The following CNGA3 variants were observed in gnomAD, a reference collection of about 807,000 sequenced individuals.
CNGA3 encodes cyclic nucleotide gated channel subunit alpha 3.
Under a neutral mutation model 46.6 loss-of-function variants are expected in CNGA3, and 42 were observed. That is an observed-to-expected ratio of 0.90 (90% CI 0.70 to 1.17). CNGA3 has a LOEUF of 1.17. CNGA3 is among the 50% of genes most tolerant of loss of function. CNGA3 has a pLI of 0.00. For synonymous variants in CNGA3, 394 were observed against 369.4 expected (o/e 1.07, Z -0.76); for missense variants, 893 against 890.7 (o/e 1.00, Z -0.03).
At chr2:98,380,131 G>A in intron 3 of CNGA3, 44 bp from the exon 4 acceptor site, 1 of 1,609,500 alleles carries the variant, frequency 6.2e-7, no homozygotes, top group Non-Finnish European at 8.5e-7. Flanking sequence ...GGGTGTGGGG[G>A]GCTTTTCCTC....
At chr2:98,393,704 A>G (rs999919772) in intron 7 of CNGA3, among the ~76,000 whole-genome samples, 4 of 152,140 alleles carry the variant, frequency 2.6e-5, no homozygotes, top group Non-Finnish European at 5.9e-5. Context: ...CGACTCAGTC[A>G]TTAACCCTGC....
rs576042792 is a variant in CNGA3 at position 98,369,851 on chromosome 2, C to G, written c.-37-88C>G. On this transcript the variant is annotated intron_variant, in intron 1 of 7. Coordinates refer to ENST00000272602, the MANE Select transcript of CNGA3 (RefSeq NM_001298.3). ...TGCCTGCCAGGGCTTGCAGGGGGGC[C>G]GCGTGCGGTAGCCCTTGCCCTTGAT... 1.6e-5 allele frequency: 13 copies of G among 791,788 alleles called. No individual in the cohort carries two copies. The East Asian group carries it at 2.9e-4, about 18-fold the overall frequency. 49.0% of individuals were successfully genotyped at this position (791,788 alleles called of 1,614,324 possible).
chr2:98,354,003 A>G (rs1039163092), intron 1 of CNGA3, among the ~76,000 whole-genome samples: 2 of 152,216 alleles, frequency 1.3e-5, no homozygotes, highest in African/African-American at 4.8e-5. Flanking sequence ...AATTACTCCC[A>G]CAAGGCTCCA....
Position 98,391,943 on chromosome 2 carries a change from T to G in CNGA3, c.646T>G (p.Leu216Val). 6.2e-7 allele frequency: 1 copy of G among 1,614,048 alleles called. No homozygotes were observed. The highest frequency in any genetic ancestry group is 8.5e-7 in the Non-Finnish European group (1 of 1,179,984). Residue 216 changes from leucine to valine, a missense_variant, in exon 7 of 8, where the codon TTG becomes GTG. By Grantham distance (32) the Leu-to-Val change is conservative (BLOSUM62 1). Transcript: ENST00000272602. Reference protein sequence around the residue: ...LDYSADVLYVLDVLVRARTGF... With the variant: ...LDYSADVLYVVDVLVRARTGF... ...CTACTCGGCAGATGTCCTGTATGTC[T>G]TGGATGTGCTTGTACGAGCTCGGAC...
At chr2:98,347,247 A>C (rs1369442256) in intron 1 of CNGA3, 1 of 152,200 alleles carries the variant, frequency 6.6e-6, no homozygotes, top group Non-Finnish European at 1.5e-5. Context: ...TAATGATAAA[A>C]TCACACCCGG....
chr2:98,375,444 C>T (rs983804722), intron 2 of CNGA3, among the ~76,000 whole-genome samples: 1 of 152,182 alleles, frequency 6.6e-6, no homozygotes, highest in African/African-American at 2.4e-5. Context: ...GCCAGCTTCT[C>T]GAATCCAAGG....
At chr2:98,362,053 T>C (rs1460027098) in intron 1 of CNGA3, among the ~76,000 whole-genome samples, 1 of 152,058 alleles carries the variant, frequency 6.6e-6, no homozygotes, top group Non-Finnish European at 1.5e-5. Flanking sequence ...TGAGATGGTA[T>C]GTCATCGTGG....
chr2:98,358,308 A>G (rs1691935873), intron 1 of CNGA3, among the ~76,000 whole-genome samples: 2 of 152,240 alleles, frequency 1.3e-5, no homozygotes, highest in South Asian at 4.1e-4. Flanking sequence ...TTTTTCTTTT[A>G]AAAATATTTC....
At chr2:98,387,276 G>A (rs867741250) in intron 5 of CNGA3, among the ~76,000 whole-genome samples, 8 of 152,130 alleles carry the variant, frequency 5.3e-5, no homozygotes, top group Non-Finnish European at 1.2e-4. Context: ...TTTTCCACAC[G>A]TATCGCACAC....
intron 1 of CNGA3, among the ~76,000 whole-genome samples, chr2:98,361,770 C>T (rs149195625): frequency 0.028 from 4,098 of 147,530 alleles, 178 homozygotes; most frequent in African/African-American, 0.095. Context: ...TGCAGTGGCG[C>T]GATCTCGGCT....
chr2:98,369,864 C>T (rs1287175103), intron 1 of CNGA3, 75 bp from the exon 2 acceptor site: 1 of 927,346 alleles, frequency 1.1e-6, no homozygotes, highest in African/African-American at 1.6e-5. Context: ...GTGCGGTAGC[C>T]CTTGCCCTTG....
At position 98,397,000 on chromosome 2, in the gene CNGA3, C is replaced by T. The variant is rs772842861; in HGVS notation, c.1830C>T (p.Asn610=). 2.0e-5 allele frequency: 32 copies of T among 1,613,892 alleles called. No homozygotes were observed. Among genetic ancestry groups the T allele is most frequent in the Non-Finnish European group, 2.7e-5 (32 of 1,179,976 alleles). The change falls in exon 8 of 8, where the codon AAC becomes AAT. Residue 610 remains asparagine (N), a synonymous_variant. Coordinates refer to ENST00000272602, the MANE Select transcript of CNGA3 (RefSeq NM_001298.3). ...GACGGCAGATCCTGATGAAAGACAA[C>T]CTGATCGATGAGGAGCTGGCCAGGG... The part of the protein sequence containing the change: ...EKGRQILMKD[N]LIDEELARAG...
At chr2:98,375,232 C>G (rs972671625) in intron 2 of CNGA3, among the ~76,000 whole-genome samples, 1 of 152,264 alleles carries the variant, frequency 6.6e-6, no homozygotes, top group African/African-American at 2.4e-5. Flanking sequence ...TAAATCTGGT[C>G]TCAGGATGTG....
At chr2:98,380,604 C>T (rs796868866) in intron 4 of CNGA3, among the ~76,000 whole-genome samples, 13 of 152,270 alleles carry the variant, frequency 8.5e-5, no homozygotes, top group African/African-American at 3.1e-4. Flanking sequence ...TGACCACTCA[C>T]CTTATCCTAC....
At chr2:98,382,038 G>A (rs529296155) in intron 4 of CNGA3, among the ~76,000 whole-genome samples, 25 of 152,184 alleles carry the variant, frequency 1.6e-4, no homozygotes, top group African/African-American at 5.5e-4. Flanking sequence ...TCCATTTCCC[G>A]ATGGGACCAG....
At chr2:98,383,464 G>A (rs1369783340) in intron 5 of CNGA3, 23 bp downstream of exon 5, 2 of 1,613,912 alleles carry the variant, frequency 1.2e-6, no homozygotes, top group South Asian at 1.1e-5. Context: ...ACACCCAGCA[G>A]AGCCCTCCCC....
chr2:98,393,397 C>G (rs1249525709), intron 7 of CNGA3, among the ~76,000 whole-genome samples: 1 of 152,212 alleles, frequency 6.6e-6, no homozygotes, highest in African/African-American at 2.4e-5. Flanking sequence ...GTGATTACCT[C>G]CATCTTGCTG....
chr2:98,375,393 G>A (rs1184613851), intron 2 of CNGA3, among the ~76,000 whole-genome samples: 2 of 152,154 alleles, frequency 1.3e-5, no homozygotes, highest in African/African-American at 4.8e-5. Context: ...CTGTGACAGG[G>A]CCCCCGCCCA....
intron 1 of CNGA3, among the ~76,000 whole-genome samples, chr2:98,351,349 A>T (rs1558801210): frequency 6.6e-6 from 1 of 152,204 alleles, no homozygotes; most frequent in South Asian, 2.1e-4. Context: ...TAATTGAATC[A>T]TCGGGGCAGG....
Sources: gnomAD v4.1 joint callset for allele counts (sites outside exome capture counted in the v4.1 genomes callset) on GRCh38, gnomAD v4.1.1 for gene constraint, MANE v1.5 for transcripts, NCBI Gene and HGNC (gene_info 2026-07-23, HGNC 2026-07-21) for gene names.